The following UNC79 variants were observed in gnomAD, a reference collection of about 807,000 sequenced individuals.
UNC79 encodes protein unc-79 homolog.
In UNC79, 37 loss-of-function variants were observed where a neutral mutation model predicts 283.1. That is an observed-to-expected ratio of 0.13 (90% CI 0.10 to 0.17). UNC79 has a LOEUF of 0.17. UNC79 is among the 10% of genes least tolerant of loss of function. The pLI, the probability that UNC79 is intolerant of heterozygous loss-of-function variation, is 1.00. For missense variants in UNC79, 2,272 were observed against 3,211.1 expected (o/e 0.71, Z 7.07); for synonymous variants, 1,107 against 1,200.2 (o/e 0.92, Z 1.61).
At chr14:93,385,218 A>G (rs576483252) in intron 1 of UNC79, among the ~76,000 whole-genome samples, 1 of 152,232 alleles carries the variant, frequency 6.6e-6, no homozygotes, top group Non-Finnish European at 1.5e-5. Flanking sequence ...TATCATTGGT[A>G]TTTTGATAGG....
chr14:93,667,161 AAGG>A (rs1222717668), intron 40 of UNC79, among the ~76,000 whole-genome samples: 1 of 151,652 alleles, frequency 6.6e-6, no homozygotes, highest in Non-Finnish European at 1.5e-5. Flanking sequence ...GAAAGGAAGA[AAGG>A]AAGGAATGAA....
rs563825137 is a variant in UNC79, at chr14:93,671,084, A to T, written c.6637-2267A>T. 1.9e-3 allele frequency among the ~76,000 whole-genome samples: 295 copies of T among 152,342 alleles called. 3 individuals carry two copies. Among genetic ancestry groups the T allele is most frequent in the African/African-American group, 6.9e-3 (289 of 41,590 alleles). The stretch of plus-strand genomic sequence containing the variant: ...GATTGATTAATTTTGGTGTATTCAT[A>T]CAATAATATATTGTTAAGCTGTTGA... On this transcript the variant is annotated intron_variant, in intron 40 of 48. Coordinates refer to ENST00000555664, the Ensembl canonical transcript of UNC79.
chr14:93,473,029 A>T (rs2057604670), intron 2 of UNC79, among the ~76,000 whole-genome samples: 1 of 152,086 alleles, frequency 6.6e-6, no homozygotes, highest in Admixed American at 6.5e-5. Flanking sequence ...CTGCTTTATC[A>T]CTTTTACCAA....
intron 4 of UNC79, among the ~76,000 whole-genome samples, chr14:93,479,381 T>TCTGCCTCCTGAGTTCAAGTGATTCTC (rs2058000429): frequency 6.6e-6 from 1 of 152,138 alleles, no homozygotes; most frequent in African/African-American, 2.4e-5. Flanking sequence ...CACTATAACC[T>TCTGCCTCCTGAGTTCAAGTGATTCTC]CTGCCTCCTG....
At chr14:93,520,338 CT>C (rs1304728965) in intron 7 of UNC79, among the ~76,000 whole-genome samples, 1 of 151,582 alleles carries the variant, frequency 6.6e-6, no homozygotes, top group East Asian at 1.9e-4. Flanking sequence ...TTAAGATTTT[CT>C]TCTTATTGGT....
chr14:93,672,775 C>A (rs1459058432), intron 40 of UNC79, among the ~76,000 whole-genome samples: 2 of 151,886 alleles, frequency 1.3e-5, no homozygotes, highest in African/African-American at 2.4e-5. Flanking sequence ...CACATGTACC[C>A]CATAAATATG....
In UNC79 at chr14:93,633,840, A is replaced by C. The variant is rs1179427556; in HGVS notation, c.5716+2932A>C. ...AAAATGTTACCACTTTTTAAAAACA[A>C]AGATGTGTACTAGAATATACTCGTG... On this transcript the variant is annotated intron_variant, in intron 31 of 48. Transcript: ENST00000555664. Among the ~76,000 whole-genome samples, 3 of 152,236 alleles carry C rather than the reference A, an allele frequency of 2.0e-5. No individual in the cohort carries two copies. The East Asian group carries it at 5.8e-4, about 29-fold the overall frequency.
At chr14:93,401,184 A>G (rs1374143150) in intron 1 of UNC79, among the ~76,000 whole-genome samples, 1 of 152,242 alleles carries the variant, frequency 6.6e-6, no homozygotes, top group African/African-American at 2.4e-5. Flanking sequence ...AATCTTCAAC[A>G]TGTAAATTGT....
intron 1 of UNC79, among the ~76,000 whole-genome samples, chr14:93,357,320 G>T (rs1254717906): frequency 1.3e-5 from 2 of 151,992 alleles, no homozygotes; most frequent in African/African-American, 4.8e-5. Flanking sequence ...CAAGTTTATT[G>T]GATTGAAGGA....
At chr14:93,576,738 T>C (rs67788318) in intron 17 of UNC79, among the ~76,000 whole-genome samples, 11,750 of 152,106 alleles carry the variant, frequency 0.077, 554 homozygotes, top group Middle Eastern at 0.13. Flanking sequence ...TTGGAGAAGT[T>C]ACGGAGTGCT....
At position 93,345,599 on chromosome 14, in the gene UNC79, A is replaced by G. The variant is rs542634533; in HGVS notation, c.-351+12076A>G. The stretch of plus-strand genomic sequence containing the variant: ...CTAAAATAAAAAATCATGGGCTAGA[A>G]GAAAAAGTCAAGGAAATCCTGCAAA... On this transcript the variant is annotated intron_variant, in intron 1 of 49. Coordinates refer to the UNC79 transcript ENST00000256339. 8.5e-5 allele frequency among the ~76,000 whole-genome samples: 13 copies of G among 152,344 alleles called. No homozygotes were observed. In the South Asian group the frequency reaches 2.1e-3, roughly 24 times the overall value.
rs548200600 is a variant in UNC79 at position 93,537,069 on chromosome 14, C to T, written c.1123-920C>T. ...TTTTATCTCCCTCCTCTCACAAGCT[C>T]TGAGTTCATAAAGCCTTAGAGTCTA... On this transcript the variant is annotated intron_variant, in intron 11 of 48. Coordinates refer to ENST00000555664, the Ensembl canonical transcript of UNC79. Among the ~76,000 whole-genome samples, 155 of 152,230 alleles carry T rather than the reference C, an allele frequency of 1.0e-3. 1 individual carries two copies. The highest frequency in any genetic ancestry group is 3.5e-3 in the African/African-American group (146 of 41,544).
chr14:93,433,033 A>G (rs1439718796), intron 1 of UNC79, among the ~76,000 whole-genome samples: 1 of 152,190 alleles, frequency 6.6e-6, no homozygotes, highest in Admixed American at 6.5e-5. Context: ...TGTTAGTGAA[A>G]CAGATTTTTT....
intron 38 of UNC79, among the ~76,000 whole-genome samples, chr14:93,658,750 GT>G (rs964435089): frequency 6.6e-6 from 1 of 151,994 alleles, no homozygotes; most frequent in Non-Finnish European, 1.5e-5. Context: ...GATCTAAGTA[GT>G]TTTTTTCCCT....
intron 14 of UNC79, among the ~76,000 whole-genome samples, chr14:93,564,752 C>A (rs975477975): frequency 1.4e-5 from 2 of 142,580 alleles, no homozygotes; most frequent in East Asian, 3.9e-4. Flanking sequence ...GGAGGTTGTT[C>A]TCTGGCTGGC....
rs183936198 is a variant in UNC79, at chr14:93,541,864, G to A, written c.1525-602G>A. Among the ~76,000 whole-genome samples the A allele has an allele frequency of 3.4e-4, 52 of 152,118 alleles. No homozygotes were observed. In the East Asian group the frequency reaches 7.5e-3, roughly 22 times the overall value. Reference sequence around the variant, plus strand: ...ACTAAAAATACAAAATATTAGCTGGGTGTGGTGGCAAGCGCCTGTAGTCCC... The same window carrying A: ...ACTAAAAATACAAAATATTAGCTGGATGTGGTGGCAAGCGCCTGTAGTCCC... On this transcript the variant is annotated intron_variant, in intron 13 of 48. Coordinates refer to ENST00000555664, the Ensembl canonical transcript of UNC79.
chr14:93,536,578 C>T (rs11625467), intron 11 of UNC79, among the ~76,000 whole-genome samples: 130,620 of 152,162 alleles, frequency 0.86, 56,192 homozygotes, highest in East Asian at 0.93. Flanking sequence ...AACATGGGCT[C>T]TTATGTCTCA....
chr14:93,606,918 T>C (rs983202443), intron 26 of UNC79, among the ~76,000 whole-genome samples: 1 of 152,186 alleles, frequency 6.6e-6, no homozygotes, highest in Non-Finnish European at 1.5e-5. Context: ...AACAATCTCA[T>C]TTTATAGAGG....
chr14:93,486,559 C>T (rs914461244), intron 4 of UNC79, among the ~76,000 whole-genome samples: 14 of 148,826 alleles, frequency 9.4e-5, no homozygotes, highest in African/African-American at 3.2e-4. Context: ...GAGGCCGAGG[C>T]AGGAGAATCG....
Sources: allele counts gnomAD v4.1 joint callset (sites outside exome capture counted in the v4.1 genomes callset), GRCh38; gene constraint gnomAD v4.1.1; transcripts MANE v1.5; gene names NCBI Gene and HGNC (gene_info 2026-07-23, HGNC 2026-07-21).